Variants in METTL8 observed in about 807,000 individuals in gnomAD.
The protein encoded by METTL8 is methyltransferase 8, tRNA N3-cytidine.
METTL8 carries 32 observed loss-of-function variants against 48.7 expected under a neutral mutation model. The ratio of observed to expected loss-of-function variants is 0.66; its 90% CI spans 0.50 to 0.88. The LOEUF is 0.88. Among genes scored for constraint, METTL8 ranks in the 40% least tolerant of loss-of-function variants. The pLI, the probability that METTL8 is intolerant of heterozygous loss-of-function variation, is 0.00. For synonymous variants in METTL8, 136 were observed against 157.1 expected, an observed-to-expected ratio of 0.87 and a Z score of 1.01; for missense variants, 464 against 474.4, an observed-to-expected ratio of 0.98 and a Z score of 0.20.
intron 2 of METTL8, among the ~76,000 whole-genome samples, chr2:171,367,075 G>A (rs1320591962): frequency 6.6e-6 from 1 of 151,770 alleles, no homozygotes; most frequent in Admixed American, 6.6e-5. Flanking sequence ...CACATAAATT[G>A]AAAGCCCAGA....
chr2:171,356,953 T>TG (rs1553514755), intron 3 of METTL8, among the ~76,000 whole-genome samples: 999 of 14,038 alleles, frequency 0.071, 105 homozygotes, highest in East Asian at 0.18. Context: ...AAAGACAATA[T>TG]TTTTTTTTTT....
intron 1 of METTL8, among the ~76,000 whole-genome samples, chr2:171,402,753 G>A (rs1333451443): frequency 6.6e-6 from 1 of 151,942 alleles, no homozygotes; most frequent in Non-Finnish European, 1.5e-5. Flanking sequence ...TTGGAGAACT[G>A]GCTGATTCTA....
At position 171,425,799 on chromosome 2, in the gene METTL8, C is replaced by T. The variant is rs761380954; in HGVS notation, c.-13+8084G>A. On this transcript the variant is annotated intron_variant, in intron 1 of 9. Transcript: ENST00000375258. ...GTTATACAGCAAAAGAAAACTAACGCATTCTTTAACGTGTGCCAGGAGACA... is the reference window on the plus strand; with the variant it reads ...GTTATACAGCAAAAGAAAACTAACGTATTCTTTAACGTGTGCCAGGAGACA... Among the ~76,000 whole-genome samples the T allele has an allele frequency of 3.9e-5, 6 of 152,302 alleles. No homozygotes were observed. In the East Asian group the frequency reaches 7.7e-4, roughly 20 times the overall value.
At chr2:171,387,553 ATTT>A (rs562737170) in intron 2 of METTL8, among the ~76,000 whole-genome samples, 1 of 149,872 alleles carries the variant, frequency 6.7e-6, no homozygotes, top group African/African-American at 2.5e-5. Flanking sequence ...TAAAAAAAAA[ATTT>A]TTTTTTAAAT....
chr2:171,430,398 C>T (rs902932489), intron 1 of METTL8, among the ~76,000 whole-genome samples: 1 of 151,684 alleles, frequency 6.6e-6, no homozygotes, highest in Non-Finnish European at 1.5e-5. Flanking sequence ...TGTCTAGGGG[C>T]TAGGGGAGGG....
At chr2:171,398,504 A>C (rs946661990) in intron 1 of METTL8, among the ~76,000 whole-genome samples, 8 of 152,054 alleles carry the variant, frequency 5.3e-5, no homozygotes, top group Non-Finnish European at 1.0e-4. Flanking sequence ...AGGTTGGGGA[A>C]GGGGGAATGG....
chr2:171,429,259 T>C (rs797018610), intron 1 of METTL8, among the ~76,000 whole-genome samples: 6 of 152,356 alleles, frequency 3.9e-5, no homozygotes, highest in African/African-American at 1.4e-4. Context: ...CTGTTTGTCA[T>C]TGATACATGT....
At chr2:171,349,719 T>C (rs970160161) in intron 3 of METTL8, among the ~76,000 whole-genome samples, 2 of 152,178 alleles carry the variant, frequency 1.3e-5, no homozygotes, top group Non-Finnish European at 2.9e-5. Context: ...TTCTATTTTT[T>C]ATTTTTTTAG....
intron 3 of METTL8, 37 bp downstream of exon 3, chr2:171,360,385 G>T (rs759952769): frequency 1.3e-6 from 2 of 1,576,948 alleles, no homozygotes; most frequent in Admixed American, 3.4e-5. Flanking sequence ...AGTCACTAAA[G>T]CTCTGGCTCT....
chr2:171,354,667 CTT>C (rs1684326932), intron 3 of METTL8, among the ~76,000 whole-genome samples: 1 of 152,162 alleles, frequency 6.6e-6, no homozygotes, highest in Non-Finnish European at 1.5e-5. Context: ...TCTTTTTACT[CTT>C]TTTTCTCTAA....
chr2:171,359,402 T>C (rs771018577), intron 3 of METTL8, among the ~76,000 whole-genome samples: 2 of 152,174 alleles, frequency 1.3e-5, no homozygotes, highest in African/African-American at 4.8e-5. Context: ...AGAACCTTCA[T>C]ACACTGTTGG....
At chr2:171,342,949 G>C (rs1686923885) in intron 3 of METTL8, among the ~76,000 whole-genome samples, 1 of 152,010 alleles carries the variant, frequency 6.6e-6, no homozygotes, top group African/African-American at 2.4e-5. Flanking sequence ...CAGGCAGGAG[G>C]ACCACTTGAG....
intron 2 of METTL8, among the ~76,000 whole-genome samples, chr2:171,387,563 A>T (rs572823523): frequency 3.5e-4 from 53 of 151,854 alleles, no homozygotes; most frequent in Middle Eastern, 3.4e-3. Context: ...ATTTTTTTTT[A>T]AATATATATA....
At chr2:171,370,194 T>G (rs1195890501) in intron 2 of METTL8, among the ~76,000 whole-genome samples, 1 of 152,178 alleles carries the variant, frequency 6.6e-6, no homozygotes, top group Non-Finnish European at 1.5e-5. Flanking sequence ...CAATGCTACC[T>G]GGACTAGGTG....
chr2:171,433,615 T>C (rs1287108607), intron 1 of METTL8, among the ~76,000 whole-genome samples: 1 of 152,036 alleles, frequency 6.6e-6, no homozygotes, highest in Non-Finnish European at 1.5e-5. Context: ...TCTTAGGCCG[T>C]CCAATAAGAA....
At chr2:171,366,138 T>C (rs995943708) in intron 2 of METTL8, among the ~76,000 whole-genome samples, 5 of 152,088 alleles carry the variant, frequency 3.3e-5, no homozygotes, top group African/African-American at 9.7e-5. Context: ...CAGGATCTAG[T>C]AGAAGAGAGA....
At chr2:171,384,694 G>A (rs1487076244) in intron 2 of METTL8, among the ~76,000 whole-genome samples, 1 of 150,372 alleles carries the variant, frequency 6.7e-6, no homozygotes, top group African/African-American at 2.4e-5. Flanking sequence ...AGCCAGGTGT[G>A]GGTAGCACAC....
At chr2:171,379,735 A>C (rs1169678461) in intron 2 of METTL8, among the ~76,000 whole-genome samples, 4 of 152,140 alleles carry the variant, frequency 2.6e-5, no homozygotes, top group African/African-American at 9.7e-5. Flanking sequence ...ACCAATAACA[A>C]GTTCTGAAAT....
chr2:171,433,647 T>G (rs991875231), intron 1 of METTL8, among the ~76,000 whole-genome samples: 1 of 152,156 alleles, frequency 6.6e-6, no homozygotes, highest in Non-Finnish European at 1.5e-5. Context: ...CATATTTTAT[T>G]CCCTATAAAG....
Sources: allele counts gnomAD v4.1 joint callset (sites outside exome capture counted in the v4.1 genomes callset), GRCh38; gene constraint gnomAD v4.1.1; transcripts MANE v1.5; gene names NCBI Gene and HGNC (gene_info 2026-07-23, HGNC 2026-07-21).